Variants in ATP8B1 observed in about 807,000 individuals in gnomAD.
ATP8B1 encodes the protein phospholipid-transporting ATPase IC.
ATP8B1 carries 80 observed loss-of-function variants against 149.9 expected under a neutral mutation model. That is an observed-to-expected ratio of 0.53 (90% CI 0.45 to 0.64). The LOEUF (loss-of-function observed/expected upper bound fraction) is 0.64, where lower values mean the gene tolerates loss of function less well. ATP8B1 is among the 30% of genes least tolerant of loss of function. The pLI is 0.00. For synonymous variants in ATP8B1, 536 were observed against 562.8 expected (o/e 0.95, Z 0.67); for missense variants, 1,247 against 1,552.6 (o/e 0.80, Z 3.31).
chr18:57,668,747 A>C, intron 18 of ATP8B1: 1 of 514,364 alleles, frequency 1.9e-6, no homozygotes, highest in Non-Finnish European at 3.4e-6. Context: ...TTTTTCCCTA[A>C]AGGATGAACT....
At chr18:57,718,435 GA>G (rs1174871072) in intron 2 of ATP8B1, among the ~76,000 whole-genome samples, 3 of 152,096 alleles carry the variant, frequency 2.0e-5, no homozygotes, top group Non-Finnish European at 4.4e-5. Flanking sequence ...AGCATTTAAA[GA>G]AGAACTAATA....
intron 11 of ATP8B1, 143 bp from the exon 12 acceptor site, chr18:57,692,140 A>C: frequency 7.4e-7 from 1 of 1,348,562 alleles, no homozygotes; most frequent in Non-Finnish European, 1.0e-6. Flanking sequence ...AAATAAAAAC[A>C]GCACTATCAT....
intron 1 of ATP8B1, among the ~76,000 whole-genome samples, chr18:57,759,869 C>T (rs1023445869): frequency 1.3e-5 from 2 of 151,994 alleles, no homozygotes; most frequent in Non-Finnish European, 2.9e-5. Context: ...AATAGGCCAC[C>T]ATCGCTGTTG....
intron 2 of ATP8B1, among the ~76,000 whole-genome samples, chr18:57,722,898 C>T (rs1335194298): frequency 2.0e-5 from 3 of 150,054 alleles, no homozygotes; most frequent in Non-Finnish European, 4.4e-5. Flanking sequence ...AGCTTATCCA[C>T]CATGATCAAG....
intron 8 of ATP8B1, among the ~76,000 whole-genome samples, chr18:57,696,328 C>T (rs2122900384): frequency 6.6e-6 from 1 of 152,238 alleles, no homozygotes; most frequent in Non-Finnish European, 1.5e-5. Flanking sequence ...CAGAGGCAGG[C>T]AGATCACTTG....
chr18:57,758,208 C>T (rs931294761), intron 1 of ATP8B1, among the ~76,000 whole-genome samples: 2 of 152,124 alleles, frequency 1.3e-5, no homozygotes, highest in African/African-American at 4.8e-5. Flanking sequence ...TTAACAGGCT[C>T]CCCAAAGCCA....
Position 57,667,107 on chromosome 18 carries a change from T to C in ATP8B1, c.2270A>G (p.Tyr757Cys), listed in dbSNP as rs750355133. 11 of 1,612,542 alleles carry C rather than the reference T, an allele frequency of 6.8e-6. No individual in the cohort carries two copies. The highest frequency in any genetic ancestry group is 1.7e-5 in the Admixed American group (1 of 60,020). The change falls in exon 20 of 28, where the codon TAT becomes TGT. Residue 757 changes from tyrosine (Y) to cysteine (C), a missense_variant. Transcript: ENST00000648908. ...ELLTEDTTIC[Y>C]GEDINSLLHA... ...TTTTACTCACTTAATATCCTCCCCA[T>C]AGCAGATGGTGGTGTCTTCAGTCAG...
intron 1 of ATP8B1, among the ~76,000 whole-genome samples, chr18:57,732,842 C>CCA (rs1568044862): frequency 7.9e-5 from 12 of 152,110 alleles, no homozygotes; most frequent in African/African-American, 2.9e-4. Flanking sequence ...GGATTACAGG[C>CCA]CCGCGCCCGG....
At position 57,701,289 on chromosome 18, in the gene ATP8B1, C is replaced by G. The variant is rs745994989; in HGVS notation, c.418G>C (p.Ala140Pro). ...AGGGGCACTAGTGTGGTGTACCAAG[C>G]CAGGGTAGAGATTTGAGGAACTGCC... ...LQAVPQISTL[A>P]WYTTLVPLLV... The change falls in exon 5 of 28, where the codon GCT becomes CCT. Residue 140 changes from alanine to proline, a missense_variant. Around this residue, in one of 3 missense-constraint regions of ATP8B1, gnomAD observed 853 missense variants for 1,035.7 expected, o/e 0.82. Transcript: ENST00000648908. 9 of 1,614,138 alleles carry G rather than the reference C, an allele frequency of 5.6e-6. No individual in the cohort carries two copies. In the South Asian group the frequency reaches 9.9e-5, roughly 18 times the overall value.
At chr18:57,697,058 C>T (rs1912852859) in intron 8 of ATP8B1, among the ~76,000 whole-genome samples, 1 of 152,060 alleles carries the variant, frequency 6.6e-6, no homozygotes, top group Admixed American at 6.6e-5. Context: ...ATCAGGAGTT[C>T]GAGACCAGCC....
intron 1 of ATP8B1, among the ~76,000 whole-genome samples, chr18:57,786,223 C>A (rs889173701): frequency 6.6e-6 from 1 of 152,156 alleles, no homozygotes; most frequent in Non-Finnish European, 1.5e-5. Context: ...CCAGCAATGA[C>A]AATATAGCTC....
chr18:57,793,006 C>A (rs1352173441), intron 1 of ATP8B1, among the ~76,000 whole-genome samples: 1 of 152,150 alleles, frequency 6.6e-6, no homozygotes, highest in East Asian at 1.9e-4. Context: ...AATGTTCTTT[C>A]CCCCAAACTA....
At chr18:57,705,736 T>C (rs895541509) in intron 3 of ATP8B1, among the ~76,000 whole-genome samples, 3 of 152,232 alleles carry the variant, frequency 2.0e-5, no homozygotes, top group Non-Finnish European at 4.4e-5. Flanking sequence ...TTCAGACTTC[T>C]GATCCCTGCA....
chr18:57,686,898 C>G (rs1912278145), intron 13 of ATP8B1, among the ~76,000 whole-genome samples: 1 of 152,152 alleles, frequency 6.6e-6, no homozygotes, highest in African/African-American at 2.4e-5. Flanking sequence ...TGCTGGAGTG[C>G]TGTGGTGTGA....
At chr18:57,730,310 C>T (rs866898803) in intron 2 of ATP8B1, among the ~76,000 whole-genome samples, 9 of 152,160 alleles carry the variant, frequency 5.9e-5, no homozygotes, top group Admixed American at 2.6e-4. Flanking sequence ...ACAGAGACCT[C>T]GGGAAAACCA....
intron 1 of ATP8B1, among the ~76,000 whole-genome samples, chr18:57,779,922 GA>G (rs1238293496): frequency 1.3e-5 from 2 of 150,116 alleles, no homozygotes; most frequent in African/African-American, 4.9e-5. Flanking sequence ...GAGAAAGAAA[GA>G]AAAAATAACA....
rs1476424580 is a variant in ATP8B1 at position 57,647,714 on chromosome 18, T to C, written c.*774A>G. On this transcript the variant is annotated 3_prime_UTR_variant, in exon 28 of 28. Coordinates refer to ENST00000648908, the MANE Select transcript of ATP8B1 (RefSeq NM_001374385.1). ...CGTTCCCTTTCAACCATAATGTACA[T>C]AACCAGTTGAATAATAGGACTTTTA... The C allele has an allele frequency of 6.5e-6, 1 of 153,514 alleles. No individual in the cohort carries two copies. The highest frequency in any genetic ancestry group is 2.4e-5 in the African/African-American group (1 of 41,468). 9.5% of individuals were successfully genotyped at this position (153,514 alleles called of 1,614,324 possible).
chr18:57,673,310 C>A (rs1476719189), intron 16 of ATP8B1, among the ~76,000 whole-genome samples: 3 of 151,672 alleles, frequency 2.0e-5, no homozygotes, highest in Non-Finnish European at 4.4e-5. Flanking sequence ...GGATCCTGGA[C>A]CAGAAAAACA....
At chr18:57,739,892 C>G (rs916117238) in intron 1 of ATP8B1, among the ~76,000 whole-genome samples, 1 of 152,182 alleles carries the variant, frequency 6.6e-6, no homozygotes, top group Non-Finnish European at 1.5e-5. Flanking sequence ...TTGTCCATCA[C>G]TAGCACCTAC....
Sources: gnomAD v4.1 joint callset for allele counts (sites outside exome capture counted in the v4.1 genomes callset) on GRCh38, gnomAD v4.1.1 for gene constraint, gnomAD v4.1.1 regional missense constraint, MANE v1.5 for transcripts, NCBI Gene and HGNC (gene_info 2026-07-23, HGNC 2026-07-21) for gene names.